Variants in NINL observed in about 807,000 individuals in gnomAD.
The protein encoded by NINL is ninein-like protein.
NINL carries 153 observed loss-of-function variants against 160.3 expected under a neutral mutation model. The ratio of observed to expected loss-of-function variants is 0.95; its 90% CI spans 0.84 to 1.09. NINL has a LOEUF of 1.09. Among genes scored for constraint, NINL ranks in the 50% least tolerant of loss-of-function variants. The pLI is 0.00. For missense variants in NINL, 1,829 were observed against 1,764.0 expected, an observed-to-expected ratio of 1.04 and a Z score of -0.66; for synonymous variants, 800 against 734.8, an observed-to-expected ratio of 1.09 and a Z score of -1.43.
Position 25,516,764 on chromosome 20 carries a change from C to T in NINL, c.277+989G>A, listed in dbSNP as rs1229717441. ...ACTCTGAACCCAAGGCTTCTCCTCCCATCCCAGGGCTCCTTACCAGCACCT... is the reference window on the plus strand; with the variant it reads ...ACTCTGAACCCAAGGCTTCTCCTCCTATCCCAGGGCTCCTTACCAGCACCT... On this transcript the variant is annotated intron_variant, in intron 3 of 23. Transcript: ENST00000278886. Among the ~76,000 whole-genome samples the T allele has an allele frequency of 2.0e-5, 3 of 152,134 alleles. No individual in the cohort carries two copies. In the East Asian group the frequency reaches 5.8e-4, roughly 29 times the overall value.
intron 13 of NINL, among the ~76,000 whole-genome samples, chr20:25,485,616 T>A (rs1313889487): frequency 6.6e-6 from 1 of 152,268 alleles, no homozygotes. Flanking sequence ...AGTTTTTATA[T>A]ATTCTGGATC....
At chr20:25,577,430 C>T (rs950071521) in intron 1 of NINL, among the ~76,000 whole-genome samples, 1 of 152,248 alleles carries the variant, frequency 6.6e-6, no homozygotes, top group East Asian at 1.9e-4. Flanking sequence ...GCACATCCCT[C>T]CTCAGGTCAC....
intron 14 of NINL, among the ~76,000 whole-genome samples, chr20:25,481,551 G>C (rs2146579783): frequency 6.6e-6 from 1 of 152,234 alleles, no homozygotes; most frequent in Middle Eastern, 3.4e-3. Flanking sequence ...AGACTTGGGG[G>C]GTGGTGCCAG....
intron 19 of NINL, among the ~76,000 whole-genome samples, chr20:25,465,532 G>A (rs1026178836): frequency 1.3e-5 from 2 of 152,090 alleles, no homozygotes. Context: ...CTCCTTCCAG[G>A]TCCAGCCCCA....
rs532337173 is a variant in NINL, at chr20:25,475,256, A to C, written c.3248+787T>G. 7.2e-5 allele frequency among the ~76,000 whole-genome samples: 11 copies of C among 152,052 alleles called. No individual in the cohort carries two copies. In the South Asian group the frequency reaches 1.2e-3, roughly 17 times the overall value. On this transcript the variant is annotated intron_variant, in intron 17 of 23. Coordinates refer to ENST00000278886, the MANE Select transcript of NINL (RefSeq NM_025176.6). ...ACAGCGAGACTCTGTCTCAAAAAAA[A>C]CAAAAAACAAAAAACAAAAAAACCT...
chr20:25,506,209 C>T (rs188043758), intron 5 of NINL, among the ~76,000 whole-genome samples: 2,029 of 152,168 alleles, frequency 0.013, 23 homozygotes, highest in Middle Eastern at 0.031. Context: ...TGCAGTGAGC[C>T]GAGGTCACAT....
chr20:25,515,425 C>G (rs1381715247), intron 3 of NINL, among the ~76,000 whole-genome samples: 1 of 152,204 alleles, frequency 6.6e-6, no homozygotes, highest in Non-Finnish European at 1.5e-5. Context: ...TCTACAGGCT[C>G]ATAGGCGGAA....
chr20:25,471,725 A>G (rs1239323117), intron 17 of NINL, among the ~76,000 whole-genome samples: 1 of 152,240 alleles, frequency 6.6e-6, no homozygotes, highest in East Asian at 1.9e-4. Flanking sequence ...GAGAAGCTGC[A>G]CTGTGGACAC....
chr20:25,472,424 T>A (rs2063127967), intron 17 of NINL, among the ~76,000 whole-genome samples: 1 of 147,834 alleles, frequency 6.8e-6, no homozygotes, highest in Non-Finnish European at 1.5e-5. Flanking sequence ...TGGAGTGCAA[T>A]GGCGCGATCT....
intron 1 of NINL, among the ~76,000 whole-genome samples, chr20:25,574,335 G>C (rs2065090472): frequency 1.3e-5 from 2 of 151,670 alleles, no homozygotes; most frequent in South Asian, 4.2e-4. Flanking sequence ...GCTGGGCAAG[G>C]GCCTTGTGCC....
intron 22 of NINL, among the ~76,000 whole-genome samples, chr20:25,456,243 A>C (rs2090675441): frequency 8.8e-5 from 5 of 56,982 alleles, no homozygotes; most frequent in Admixed American, 6.2e-4. Flanking sequence ...CTCCATCTCA[A>C]AAAAAAAAAA....
At chr20:25,535,423 T>C (rs2064539559) in intron 1 of NINL, among the ~76,000 whole-genome samples, 2 of 152,112 alleles carry the variant, frequency 1.3e-5, no homozygotes, top group Non-Finnish European at 2.9e-5. Flanking sequence ...CCACAAAAAG[T>C]ATTAAGTATG....
At chr20:25,510,932 G>A (rs139980250) in intron 4 of NINL, among the ~76,000 whole-genome samples, 192 bp from the exon 5 acceptor site, 19 of 152,296 alleles carry the variant, frequency 1.2e-4, no homozygotes, top group African/African-American at 2.6e-4. Context: ...GGTGAGCCCC[G>A]CCTAGCAGCA....
intron 1 of NINL, among the ~76,000 whole-genome samples, chr20:25,565,856 C>T (rs2064993764): frequency 6.6e-6 from 1 of 152,186 alleles, no homozygotes; most frequent in Non-Finnish European, 1.5e-5. Context: ...AGCTGCCATG[C>T]ACTCTTCCTC....
At chr20:25,580,643 C>CA (rs1219165340) in intron 1 of NINL, among the ~76,000 whole-genome samples, 3 of 152,134 alleles carry the variant, frequency 2.0e-5, no homozygotes, top group Non-Finnish European at 4.4e-5. Context: ...GAACCTAGGT[C>CA]AAAAAAGGAT....
intron 2 of NINL, among the ~76,000 whole-genome samples, chr20:25,522,527 CTG>C (rs2064281668): frequency 6.6e-6 from 1 of 152,218 alleles, no homozygotes; most frequent in Non-Finnish European, 1.5e-5. Context: ...AAGATAGAAA[CTG>C]TGAGTCTTTC....
chr20:25,506,502 C>T (rs1447826926), intron 5 of NINL, among the ~76,000 whole-genome samples: 1 of 152,176 alleles, frequency 6.6e-6, no homozygotes, highest in Non-Finnish European at 1.5e-5. Context: ...GATGGAGCTA[C>T]AGCCCAGCAA....
chr20:25,536,725 A>T (rs2064562678), intron 1 of NINL, among the ~76,000 whole-genome samples: 1 of 148,036 alleles, frequency 6.8e-6, no homozygotes, highest in Non-Finnish European at 1.5e-5. Flanking sequence ...TCCAAAAAAA[A>T]AAAAAGGTAA....
intron 5 of NINL, among the ~76,000 whole-genome samples, chr20:25,507,531 C>T (rs536800368): frequency 6.6e-6 from 1 of 152,228 alleles, no homozygotes; most frequent in Non-Finnish European, 1.5e-5. Context: ...TTCCTCTATG[C>T]CTCATCCACA....
Sources: allele counts gnomAD v4.1 joint callset (sites outside exome capture counted in the v4.1 genomes callset), GRCh38; gene constraint gnomAD v4.1.1; transcripts MANE v1.5; gene names NCBI Gene and HGNC (gene_info 2026-07-23, HGNC 2026-07-21).